Variants in PCGF5 observed in about 807,000 individuals in gnomAD.
PCGF5 encodes polycomb group RING finger protein 5.
In PCGF5, 9 loss-of-function variants were observed where a neutral mutation model predicts 44.3. That is an observed-to-expected ratio of 0.20 (90% CI 0.12 to 0.35). The LOEUF is 0.35. Ranked by LOEUF, PCGF5 falls within the 10% of genes least tolerant of loss-of-function variation. The pLI, the probability that PCGF5 is intolerant of heterozygous loss-of-function variation, is 1.00. For missense variants in PCGF5, 146 were observed against 305.3 expected, an observed-to-expected ratio of 0.48 and a Z score of 3.89; for synonymous variants, 95 against 102.5, an observed-to-expected ratio of 0.93 and a Z score of 0.44.
chr10:91,237,674 G>A (rs1360244404), intron 2 of PCGF5, among the ~76,000 whole-genome samples: 1 of 151,998 alleles, frequency 6.6e-6, no homozygotes, highest in Non-Finnish European at 1.5e-5. Context: ...AACCTGGGAG[G>A]CAGAGGTTGC....
chr10:91,278,096 A>G lies in PCGF5; in HGVS notation c.724-173A>G, dbSNP rs570108852. On this transcript the variant is annotated intron_variant, in intron 9 of 9. Transcript: ENST00000336126. ...AAACTTGACTGATTCTAGAAAAATAATGGCAATCAAAAGAAATAGAGTTTT... is the reference window on the plus strand; with the variant it reads ...AAACTTGACTGATTCTAGAAAAATAGTGGCAATCAAAAGAAATAGAGTTTT... 2.6e-5 allele frequency among the ~76,000 whole-genome samples: 4 copies of G among 152,324 alleles called. No individual in the cohort carries two copies. In the East Asian group the frequency reaches 5.8e-4, roughly 22 times the overall value.
intron 6 of PCGF5, among the ~76,000 whole-genome samples, chr10:91,253,023 C>A (rs1237405886): frequency 2.6e-5 from 4 of 151,796 alleles, no homozygotes; most frequent in African/African-American, 9.7e-5. Flanking sequence ...ACTAAGCTAC[C>A]CTGATTCTTC....
rs202010725 is a variant in PCGF5, at chr10:91,251,464, T to C, written c.474+24T>C. The C allele has an allele frequency of 1.6e-5, 25 of 1,601,876 alleles. No homozygotes were observed. The African/African-American group carries it at 2.0e-4, about 13-fold the overall frequency. On this transcript the variant is annotated intron_variant, in intron 6 of 9. Coordinates refer to ENST00000336126, the MANE Select transcript of PCGF5 (RefSeq NM_032373.5). The stretch of plus-strand genomic sequence containing the variant: ...AGGTGAGTGAACAAGTACTATGGTA[T>C]TTTTATGATCAGTTTATAGTAAACC...
intron 1 of PCGF5, among the ~76,000 whole-genome samples, chr10:91,163,620 A>G (rs962876169): frequency 1.3e-5 from 2 of 152,000 alleles, no homozygotes; most frequent in Non-Finnish European, 2.9e-5. Flanking sequence ...TCGGGGCGCG[A>G]GCATCTGCTC....
intron 1 of PCGF5, among the ~76,000 whole-genome samples, chr10:91,212,318 A>G (rs1342599258): frequency 6.6e-6 from 1 of 152,230 alleles, no homozygotes; most frequent in Non-Finnish European, 1.5e-5. Context: ...GGGAAGATAC[A>G]TGAAATATTG....
At chr10:91,238,601 CTTTTTTTTTTTTTTTT>C (rs71487496) in intron 2 of PCGF5, among the ~76,000 whole-genome samples, 1 of 58,440 alleles carries the variant, frequency 1.7e-5, no homozygotes, top group Non-Finnish European at 3.1e-5. Flanking sequence ...TTCTTTCTTT[CTTTTTTTTTTTTTTTT>C]TTTTTTTTTT....
chr10:91,175,528 C>T (rs1241489044), intron 1 of PCGF5, among the ~76,000 whole-genome samples: 1 of 148,980 alleles, frequency 6.7e-6, no homozygotes, highest in Admixed American at 6.6e-5. Context: ...TAACCTTCCT[C>T]CCTCTTCCCC....
chr10:91,187,662 A>G (rs1843951862), intron 1 of PCGF5, among the ~76,000 whole-genome samples: 1 of 152,194 alleles, frequency 6.6e-6, no homozygotes, highest in Non-Finnish European at 1.5e-5. Flanking sequence ...TCATGGGGAA[A>G]GTGTATTATA....
At chr10:91,263,322 G>A (rs147829933) in intron 7 of PCGF5, among the ~76,000 whole-genome samples, 43 of 148,778 alleles carry the variant, frequency 2.9e-4, no homozygotes, top group African/African-American at 1.1e-3. Context: ...AGATAAAAAT[G>A]AAATTATCTC....
chr10:91,197,827 A>T (rs1213369877), intron 1 of PCGF5, among the ~76,000 whole-genome samples: 1 of 152,164 alleles, frequency 6.6e-6, no homozygotes, highest in Non-Finnish European at 1.5e-5. Context: ...GAACTTATTT[A>T]AAAACACTTA....
intron 1 of PCGF5, among the ~76,000 whole-genome samples, chr10:91,208,079 A>G (rs1414213870): frequency 6.6e-6 from 1 of 152,088 alleles, no homozygotes; most frequent in Non-Finnish European, 1.5e-5. Flanking sequence ...CTACCCAGCA[A>G]TTTTTTCTTA....
Position 91,248,647 on chromosome 10 carries a change from C to T in PCGF5, c.266-18C>T, listed in dbSNP as rs1262768841. On this transcript the variant is annotated intron_variant, in intron 4 of 9. Transcript: ENST00000336126. The stretch of plus-strand genomic sequence containing the variant: ...AGATTTCATGACTTTTACTTTTATA[C>T]TCTTTCTTTTAAATTAGAAGAACTT... 1.2e-6 allele frequency: 2 copies of T among 1,601,982 alleles called. No individual in the cohort carries two copies. Among genetic ancestry groups the T allele is most frequent in the Non-Finnish European group, 1.7e-6 (2 of 1,171,630 alleles).
chr10:91,170,497 G>A (rs1843584294), intron 1 of PCGF5, among the ~76,000 whole-genome samples: 2 of 152,134 alleles, frequency 1.3e-5, no homozygotes, highest in South Asian at 4.1e-4. Context: ...TGGCAAATAA[G>A]CATATGAAAA....
At chr10:91,172,158 C>G (rs1843620083) in intron 1 of PCGF5, among the ~76,000 whole-genome samples, 1 of 151,814 alleles carries the variant, frequency 6.6e-6, no homozygotes, top group Non-Finnish European at 1.5e-5. Context: ...GGCGCGGTGG[C>G]TCATGCCTGT....
chr10:91,160,782 A>C, upstream of PCGF5, among the ~76,000 whole-genome samples: 1 of 152,234 alleles, frequency 6.6e-6, no homozygotes, highest in East Asian at 1.9e-4. Context: ...AGAAGGGCAA[A>C]GAGGGACAAG....
intron 3 of PCGF5, among the ~76,000 whole-genome samples, chr10:91,245,233 A>G (rs893547755): frequency 2.0e-5 from 3 of 152,178 alleles, no homozygotes; most frequent in African/African-American, 7.2e-5. Context: ...ATGTATATCA[A>G]AGGAGACGGA....
upstream of PCGF5, among the ~76,000 whole-genome samples, chr10:91,218,183 G>T (rs1055182323): frequency 1.8e-4 from 27 of 152,330 alleles, no homozygotes; most frequent in African/African-American, 6.5e-4. Flanking sequence ...CTTTGTTTTT[G>T]TCTTGGCTCT....
intron 1 of PCGF5, among the ~76,000 whole-genome samples, chr10:91,212,122 T>C (rs1269967559): frequency 6.6e-6 from 1 of 152,224 alleles, no homozygotes; most frequent in Non-Finnish European, 1.5e-5. Context: ...CTTAGCAAAA[T>C]ACTGTGTACT....
rs1844648923 is a variant in PCGF5, at chr10:91,220,705, C to CT, written c.-315_-314insT. The CT allele has an allele frequency of 6.6e-6, 1 of 152,018 alleles. No individual in the cohort carries two copies. Among genetic ancestry groups the CT allele is most frequent in the Admixed American group, 6.5e-5 (1 of 15,272 alleles). 9.4% of individuals were successfully genotyped at this position (152,018 alleles called of 1,614,324 possible). ...TGGCCCCACAGAGCCGGCGCGCTCC[C>CT]GCCTGCAGGGGGAGAGCAGACGGGG... On this transcript the variant is annotated 5_prime_UTR_variant, in exon 1 of 10. Transcript: ENST00000336126.
Sources: gnomAD v4.1 joint callset for allele counts (sites outside exome capture counted in the v4.1 genomes callset) on GRCh38, gnomAD v4.1.1 for gene constraint, MANE v1.5 for transcripts, NCBI Gene and HGNC (gene_info 2026-07-23, HGNC 2026-07-21) for gene names.